The following XYLB variants were observed in gnomAD, a reference collection of about 807,000 sequenced individuals.
XYLB encodes xylulokinase, also known as xylulose kinase.
A neutral mutation model predicts 78.7 loss-of-function variants in XYLB; 62 were observed. The observed-to-expected ratio is 0.79, with a 90% confidence interval of 0.64 to 0.97. XYLB has a LOEUF of 0.97. XYLB is among the 50% of genes least tolerant of loss of function. XYLB has a pLI of 0.00. For missense variants in XYLB, 687 were observed against 676.8 expected (o/e 1.02, Z -0.17); for synonymous variants, 245 against 247.4 (o/e 0.99, Z 0.09).
intron 15 of XYLB, among the ~76,000 whole-genome samples, chr3:38,391,183 C>T (rs1575515044): frequency 6.6e-6 from 1 of 152,106 alleles, no homozygotes; most frequent in Non-Finnish European, 1.5e-5. Flanking sequence ...CATTGCACTC[C>T]AGCCTGGGAG....
At chr3:38,369,979 C>T (rs750839519) in intron 8 of XYLB, 77 bp from the exon 9 acceptor site, 1 of 1,231,128 alleles carries the variant, frequency 8.1e-7, no homozygotes, top group Non-Finnish European at 1.2e-6. Flanking sequence ...GAATTATCTG[C>T]TCTGTGCCAG....
In XYLB at chr3:38,376,154, A is replaced by G. The variant is rs2234622; in HGVS notation, c.1042A>G (p.Asn348Asp). 8,572 of 1,614,086 alleles carry G rather than the reference A, an allele frequency of 5.3e-3. 315 individuals carry two copies. The African/African-American group carries it at 0.09, about 17-fold the overall frequency. The change falls in exon 13 of 19, where the codon AAC becomes GAC. Residue 348 changes from asparagine to aspartate, a missense_variant. Asn to Asp is a conservative substitution (Grantham distance 23). Transcript: ENST00000207870. ...NGSLMREKIR[N>D]ESVSRSWSDF... is the part of the protein sequence containing the mutation. ...CTCCCTCATGAGAGAGAAGATCCGCAACGAGTCTGTATCCCGTTCCTGGAG... is the reference window on the plus strand; with the variant it reads ...CTCCCTCATGAGAGAGAAGATCCGCGACGAGTCTGTATCCCGTTCCTGGAG...
chr3:38,386,191 A>T (rs1032424357), intron 15 of XYLB, among the ~76,000 whole-genome samples: 2 of 151,252 alleles, frequency 1.3e-5, no homozygotes, highest in Non-Finnish European at 2.9e-5. Context: ...TGCAAGCCCC[A>T]TTTTGGCTTC....
rs1273339922 is a variant in XYLB at position 38,409,201 on chromosome 3, C to T, written c.1534-3735C>T. Among the ~76,000 whole-genome samples, 5 of 152,180 alleles carry T rather than the reference C, an allele frequency of 3.3e-5. No individual in the cohort carries two copies. The East Asian group carries it at 9.6e-4, about 29-fold the overall frequency. On this transcript the variant is annotated intron_variant, in intron 18 of 18. Transcript: ENST00000207870. ...AGCTTATCCACCATGATCAAGTGGG[C>T]CTCATCCCTGAGATGCAAGGCTGGT...
chr3:38,437,042 A>AATAATC, the XYLB span, among the ~76,000 whole-genome samples: 4 of 147,430 alleles, frequency 2.7e-5, no homozygotes, highest in Non-Finnish European at 6.0e-5. Context: ...TAATAATAAT[A>AATAATC]ATAACAAAAA....
At chr3:38,375,409 G>A in intron 12 of XYLB, 150 bp downstream of exon 12, 1 of 684,370 alleles carries the variant, frequency 1.5e-6, no homozygotes, top group Non-Finnish European at 2.5e-6. Context: ...GACCCCCAAG[G>A]ACTCACCAGC....
At chr3:38,444,913 A>C in the XYLB span, among the ~76,000 whole-genome samples, 1 of 152,290 alleles carries the variant, frequency 6.6e-6, no homozygotes, top group East Asian at 1.9e-4. Flanking sequence ...CTAAACCACA[A>C]GGAGGACTGA....
chr3:38,382,325 AG>A (rs1292395439), intron 15 of XYLB, among the ~76,000 whole-genome samples: 1 of 152,218 alleles, frequency 6.6e-6, no homozygotes, highest in Non-Finnish European at 1.5e-5. Context: ...AAATAAAAAA[AG>A]CAGATGAAAC....
At chr3:38,440,977 G>A in the XYLB span, among the ~76,000 whole-genome samples, 351 of 147,386 alleles carry the variant, frequency 2.4e-3, 2 homozygotes, top group African/African-American at 8.3e-3. Context: ...CTGACTTTCC[G>A]TCTTTCCCCC....
At chr3:38,398,420 A>G (rs1698273880) in intron 17 of XYLB, among the ~76,000 whole-genome samples, 2 of 151,360 alleles carry the variant, frequency 1.3e-5, no homozygotes, top group Admixed American at 1.3e-4. Flanking sequence ...GTGAGCCGAG[A>G]TTGCGCCATT....
At chr3:38,360,841 C>T (rs1317987003) in intron 3 of XYLB, among the ~76,000 whole-genome samples, 2 of 152,190 alleles carry the variant, frequency 1.3e-5, no homozygotes, top group East Asian at 3.9e-4. Flanking sequence ...CAAGACCAGC[C>T]TGGCCAACAT....
chr3:38,437,664 C>A, the XYLB span, among the ~76,000 whole-genome samples: 37 of 152,276 alleles, frequency 2.4e-4, no homozygotes, highest in African/African-American at 8.2e-4. Flanking sequence ...GCAATCCCAG[C>A]CAGGTGTAGT....
the XYLB span, among the ~76,000 whole-genome samples, chr3:38,438,581 C>A: frequency 6.6e-6 from 1 of 152,200 alleles, no homozygotes; most frequent in African/African-American, 2.4e-5. Context: ...CCTGTGGGTT[C>A]TTGGTCTTGC....
Position 38,362,986 on chromosome 3 carries a change from C to G in XYLB, c.260C>G (p.Ser87Cys). ...EKMKASGFDF[S>C]QVLALSGAGQ... is the part of the protein sequence containing the mutation. ...ATGAAGGCTTCGGGCTTCGACTTCT[C>G]TCAAGTCCTAGCCTTGTCCGGGGCG... The change falls in exon 4 of 19, where the codon TCT (serine) becomes TGT (cysteine). Residue 87 changes from serine (S) to cysteine (C), a missense_variant. Physicochemically the swap from Ser to Cys is moderately radical, Grantham distance 112. Coordinates refer to ENST00000207870, the MANE Select transcript of XYLB (RefSeq NM_005108.4). 1 of 1,576,902 alleles carries G rather than the reference C, an allele frequency of 6.3e-7. No homozygotes were observed. The highest frequency in any genetic ancestry group is 8.6e-7 in the Non-Finnish European group (1 of 1,160,984).
At chr3:38,447,377 C>T in the XYLB span, among the ~76,000 whole-genome samples, 1 of 152,062 alleles carries the variant, frequency 6.6e-6, no homozygotes, top group Non-Finnish European at 1.5e-5. Context: ...GATCATGGCT[C>T]AGTGGAGCCT....
chr3:38,371,223 C>T (rs990892299), intron 9 of XYLB, among the ~76,000 whole-genome samples: 1 of 152,182 alleles, frequency 6.6e-6, no homozygotes, highest in African/African-American at 2.4e-5. Flanking sequence ...ATCCTCCTGC[C>T]TCAGCTTCCT....
At chr3:38,365,887 C>A in intron 6 of XYLB, 151 bp downstream of exon 6, 1 of 1,218,790 alleles carries the variant, frequency 8.2e-7, no homozygotes, top group Non-Finnish European at 1.1e-6. Flanking sequence ...CTGATCCAGG[C>A]CACCTGCTGC....
the XYLB span, among the ~76,000 whole-genome samples, chr3:38,430,857 A>G: frequency 6.6e-6 from 1 of 152,170 alleles, no homozygotes; most frequent in African/African-American, 2.4e-5. Context: ...CAAAGATCAG[A>G]TAGTTGTAGA....
At chr3:38,428,848 T>C in the XYLB span, among the ~76,000 whole-genome samples, 1 of 152,236 alleles carries the variant, frequency 6.6e-6, no homozygotes, top group Admixed American at 6.5e-5. Flanking sequence ...CTGCCTTCTT[T>C]TGAGTTATTT....
Sources: gnomAD v4.1 joint callset for allele counts (sites outside exome capture counted in the v4.1 genomes callset) on GRCh38, gnomAD v4.1.1 for gene constraint, MANE v1.5 for transcripts, NCBI Gene and HGNC (gene_info 2026-07-23, HGNC 2026-07-21) for gene names.